The following ZMYM3 variants were observed in gnomAD, a reference collection of about 807,000 sequenced individuals.
ZMYM3 encodes zinc finger MYM-type containing 3, also known as zinc finger MYM-type protein 3.
ZMYM3 carries 6 observed loss-of-function variants against 94.2 expected under a neutral mutation model. The observed-to-expected ratio is 0.06, with a 90% CI of 0.03 to 0.13. The LOEUF (loss-of-function observed/expected upper bound fraction) is 0.13. Ranked by LOEUF, ZMYM3 falls within the 10% of genes least tolerant of loss-of-function variation. ZMYM3 has a pLI of 1.00. For missense variants in ZMYM3, 664 were observed against 1,132.6 expected, an observed-to-expected ratio of 0.59 and a Z score of 5.94; for synonymous variants, 420 against 426.5, an observed-to-expected ratio of 0.98 and a Z score of 0.19.
chrX:71,253,425 G>A (rs1395414678), intron 1 of ZMYM3, among the ~76,000 whole-genome samples, 151 bp from the exon 2 acceptor site: 1 of 108,276 alleles, frequency 9.2e-6, no homozygotes, highest in Non-Finnish European at 1.9e-5. Context: ...GAAGGCTTTA[G>A]TCCTAATGAC....
chrX:71,254,167 A>T (rs2030650669), upstream of ZMYM3: 1 of 112,363 alleles, frequency 8.9e-6, no homozygotes, highest in Non-Finnish European at 1.9e-5. Context: ...CGCAGCGCCC[A>T]GCGCTCTGCA....
In ZMYM3 at chrX:71,240,925, G is replaced by T. The variant is rs779280247; in HGVS notation, c.4104C>A (p.Asp1368Glu). ...YEELGRPGEEDLD is the reference protein window; with the variant it reads ...YEELGRPGEEELD ...TGGATGGCACACGAGCTCAGTCCAGGTCTTCCTCCCCAGGACGACCCAGTT... is the reference window on the plus strand; with the variant it reads ...TGGATGGCACACGAGCTCAGTCCAGTTCTTCCTCCCCAGGACGACCCAGTT... The change falls in exon 25 of 25, where the codon GAC becomes GAA. Residue 1368 changes from aspartate to glutamate, a missense_variant. Around this residue, in one of 9 missense-constraint regions of ZMYM3, gnomAD observed 58 missense variants for 112.4 expected, o/e 0.52. Coordinates refer to ENST00000314425, the MANE Select transcript of ZMYM3 (RefSeq NM_201599.3). 1.7e-6 allele frequency: 2 copies of T among 1,208,311 alleles called. No individual in the cohort carries two copies. The highest frequency in any genetic ancestry group is 2.2e-6 in the Non-Finnish European group (2 of 894,151).
Position 71,251,781 on chromosome X carries a change from G to T in ZMYM3, c.668-180C>A, listed in dbSNP as rs746122293. The T allele has an allele frequency of 8.0e-6, 6 of 750,505 alleles. No individual in the cohort carries two copies. In the East Asian group the frequency reaches 9.2e-4, roughly 115 times the overall value. The allele number at this position is 750,505 out of a possible 1,213,427, so 61.9% of individuals were successfully genotyped here. A position where few individuals can be genotyped will look rare whatever the true frequency, so the allele number is the denominator to read the frequency against. Reference sequence around the variant, plus strand: ...ACCTCAGGCTCTGTACTAAGGGTGGGGGGGTGCACGTGCAGCTATTCCATG... The same window carrying T: ...ACCTCAGGCTCTGTACTAAGGGTGGTGGGGTGCACGTGCAGCTATTCCATG... On this transcript the variant is annotated intron_variant, in intron 2 of 24. Transcript: ENST00000314425.
Position 71,240,972 on chromosome X carries a change from C to T in ZMYM3, c.4057G>A (p.Ala1353Thr). ...AGTTCCTCATAAATCTCGCGCACAG[C>T]CAGGATGCGATTGAGCATGCTCTCC... ...MLESMLNRIL[A>T]VREIYEELGR... Residue 1353 changes from alanine (A) to threonine (T), a missense_variant, in exon 25 of 25, where the codon GCT becomes ACT. Transcript: ENST00000314425. The T allele has an allele frequency of 2.5e-6, 3 of 1,211,647 alleles. No individual in the cohort carries two copies. The highest frequency in any genetic ancestry group is 3.4e-6 in the Non-Finnish European group (3 of 895,482).
Position 71,245,329 on chromosome X carries a change from T to C in ZMYM3, c.3007+10A>G, listed in dbSNP as rs1250724911. 1 of 1,206,803 alleles carries C rather than the reference T, an allele frequency of 8.3e-7. No homozygotes were observed. Among genetic ancestry groups the C allele is most frequent in the Non-Finnish European group, 1.1e-6 (1 of 894,123 alleles). ...CCATACTCAGTGGGCATGGCTCCAA[T>C]CTTACTCACTCTTAGGGAAGTCTGC... On this transcript the variant is annotated intron_variant, in intron 18 of 24. Transcript: ENST00000314425.
upstream of ZMYM3, chrX:71,254,395 C>CT (rs1442914164): frequency 2.7e-5 from 3 of 112,321 alleles, no homozygotes; most frequent in Non-Finnish European, 5.6e-5. Flanking sequence ...AGCCGGCCCC[C>CT]CGGGAAAGGC....
intron 19 of ZMYM3, 115 bp downstream of exon 19, chrX:71,244,675 G>T: frequency 1.3e-6 from 1 of 798,464 alleles, no homozygotes; most frequent in Non-Finnish European, 1.8e-6. Flanking sequence ...AGTACTTCTA[G>T]TGTTGGAGAA....
At chrX:71,253,602 G>A (rs1462462292) in intron 1 of ZMYM3, among the ~76,000 whole-genome samples, 9 of 76,099 alleles carry the variant, frequency 1.2e-4, no homozygotes, top group African/African-American at 4.8e-4. Flanking sequence ...CAGGCTGAAC[G>A]CCCCCTTAGA....
At position 71,242,157 on chromosome X, in the gene ZMYM3, G is replaced by A. The variant is rs192034323; in HGVS notation, c.3802+13C>T. ...GAAGGGGCAAAAGCACAGGGGAGGGGGCAGCCTCGTACCTCGCCCTTTCCT... is the reference window on the plus strand; with the variant it reads ...GAAGGGGCAAAAGCACAGGGGAGGGAGCAGCCTCGTACCTCGCCCTTTCCT... On this transcript the variant is annotated intron_variant, in intron 23 of 24. Coordinates refer to ENST00000314425, the MANE Select transcript of ZMYM3 (RefSeq NM_201599.3). 916 of 1,169,288 alleles carry A rather than the reference G, an allele frequency of 7.8e-4. 8 individuals carry two copies. The African/African-American group carries it at 0.014, about 18-fold the overall frequency.
chrX:71,252,154 TA>T (rs1029482070), intron 2 of ZMYM3, among the ~76,000 whole-genome samples: 3 of 110,887 alleles, frequency 2.7e-5, no homozygotes, highest in African/African-American at 9.9e-5. Flanking sequence ...CTTATGCTGT[TA>T]GGGGCTCCAG....
Position 71,246,336 on chromosome X carries a change from G to A in ZMYM3, c.2572+17C>T, listed in dbSNP as rs184417426. ...ACTCTGGAATACAGCCTGTGGCATC[G>A]AGGTACCCTGGCTCACCTGTTTGAC... On this transcript the variant is annotated intron_variant, in intron 15 of 24. Coordinates refer to ENST00000314425, the MANE Select transcript of ZMYM3 (RefSeq NM_201599.3). The A allele has an allele frequency of 7.8e-4, 947 of 1,208,116 alleles. 8 individuals carry two copies. In the African/African-American group the frequency reaches 0.014, roughly 18 times the overall value.
At chrX:71,244,597 C>T in intron 19 of ZMYM3, 127 bp from the exon 20 acceptor site, 1 of 897,776 alleles carries the variant, frequency 1.1e-6, no homozygotes, top group East Asian at 3.4e-5. Context: ...GCTTCCATAG[C>T]ACAGAGCCCC....
At position 71,250,837 on chromosome X, in the gene ZMYM3, C is replaced by T. The variant is rs911109112; in HGVS notation, c.779-111G>A. On this transcript the variant is annotated intron_variant, in intron 4 of 24. Transcript: ENST00000314425. ...GGGATCCCTGTTGTTCCGGCCTTTA[C>T]ACCCTGGCCCTTGTTACATCAGTAT... The T allele has an allele frequency of 4.3e-5, 33 of 770,534 alleles. No homozygotes were observed. In the Admixed American group the frequency reaches 5.0e-4, roughly 12 times the overall value. 63.5% of individuals were successfully genotyped at this position (770,534 alleles called of 1,213,427 possible). A position where few individuals can be genotyped will look rare whatever the true frequency, so the allele number is the denominator to read the frequency against.
rs773514704 is a variant in ZMYM3, at chrX:71,249,696, C to T, written c.1252-17G>A. The T allele has an allele frequency of 4.4e-5, 53 of 1,204,164 alleles. No homozygotes were observed. In the South Asian group the frequency reaches 7.7e-4, roughly 18 times the overall value. ...GTGCAGGACCTGCCACACACATACA[C>T]GCACCCTGAGCTAGGGCCTGGCCAC... On this transcript the variant is annotated splice_polypyrimidine_tract_variant and intron_variant, in intron 6 of 24. Transcript: ENST00000314425.
chrX:71,245,032 A>C, intron 18 of ZMYM3, 139 bp from the exon 19 acceptor site: 1 of 526,962 alleles, frequency 1.9e-6, no homozygotes, highest in Non-Finnish European at 3.1e-6. Flanking sequence ...AAGCATGCTC[A>C]GAGGCACAGA....
At chrX:71,245,897 A>G in intron 16 of ZMYM3, 55 bp from the exon 17 acceptor site, 4 of 1,176,488 alleles carry the variant, frequency 3.4e-6, no homozygotes, top group Non-Finnish European at 4.6e-6. Context: ...GTTGGGGGGA[A>G]GTTGGGGGGA....
Position 71,249,116 on chromosome X carries a change from A to T in ZMYM3, c.1524T>A (p.Phe508Leu). Residue 508 changes from phenylalanine (F) to leucine (L), a missense_variant, in exon 8 of 25, where the codon TTT becomes TTA. This residue lies in a region of ZMYM3 where 159 missense variants were observed against 313.0 expected (regional missense o/e 0.51). Coordinates refer to ENST00000314425, the MANE Select transcript of ZMYM3 (RefSeq NM_201599.3). ...TACGATCCACATGTGATAGCATCTCAAAGTTCTTACACAGGGTCTTGCACC... is the reference window on the plus strand; with the variant it reads ...TACGATCCACATGTGATAGCATCTCTAAGTTCTTACACAGGGTCTTGCACC... ...CVWCKTLCKNFEMLSHVDRNG... is the reference protein window; with the variant it reads ...CVWCKTLCKNLEMLSHVDRNG... 2.5e-6 allele frequency: 3 copies of T among 1,211,404 alleles called. No individual in the cohort carries two copies. The highest frequency in any genetic ancestry group is 3.4e-6 in the Non-Finnish European group (3 of 895,089).
chrX:71,246,848 T>A (rs901286429), intron 13 of ZMYM3, among the ~76,000 whole-genome samples, 156 bp from the exon 14 acceptor site: 1 of 111,818 alleles, frequency 8.9e-6, no homozygotes, highest in Non-Finnish European at 1.9e-5. Context: ...GTCTCCTCTA[T>A]GCCCCAGCAA....
chrX:71,250,783 C>T (rs1297755547), intron 4 of ZMYM3, 57 bp from the exon 5 acceptor site: 3 of 1,078,398 alleles, frequency 2.8e-6, no homozygotes, highest in Admixed American at 5.5e-5. Flanking sequence ...CTCCAACCAT[C>T]CCCTGACCAA....
Sources: allele counts gnomAD v4.1 joint callset (sites outside exome capture counted in the v4.1 genomes callset), GRCh38; gene constraint gnomAD v4.1.1; regional missense constraint gnomAD v4.1.1; transcripts MANE v1.5; gene names NCBI Gene and HGNC (gene_info 2026-07-23, HGNC 2026-07-21).